The following DDX6 variants were observed in gnomAD, a reference collection of about 807,000 sequenced individuals.
The protein encoded by DDX6 is DEAD-box helicase 6.
In DDX6, 7 loss-of-function variants were observed where a neutral mutation model predicts 60.6. That is an observed-to-expected ratio of 0.12 (90% CI 0.07 to 0.22). The LOEUF (loss-of-function observed/expected upper bound fraction) is 0.22, where lower values mean the gene tolerates loss of function less well. DDX6 is among the 10% of genes least tolerant of loss of function. The pLI is 1.00. For missense variants in DDX6, 270 were observed against 589.9 expected (o/e 0.46, Z 5.62); for synonymous variants, 207 against 201.0 (o/e 1.03, Z -0.25).
At chr11:118,791,395 A>G (rs1224740951), upstream of DDX6, 1 of 152,080 alleles carries the variant, frequency 6.6e-6, no homozygotes, top group African/African-American at 2.4e-5. Context: ...ACCGACGAGA[A>G]AAGTTCGAGG....
chr11:118,785,703 C>T (rs550802670), intron 2 of DDX6: 36 of 167,894 alleles, frequency 2.1e-4, no homozygotes, highest in African/African-American at 7.6e-4. Context: ...AAGGTGCAGT[C>T]GTAAAAAAAC....
intron 1 of DDX6, chr11:118,790,229 TTTC>T (rs1465378700): frequency 6.6e-6 from 1 of 151,782 alleles, no homozygotes; most frequent in African/African-American, 2.4e-5. Flanking sequence ...TGAAAGGAAA[TTTC>T]TTGTCCCCCC....
At chr11:118,783,865 C>T (rs576097802) in intron 2 of DDX6, among the ~76,000 whole-genome samples, 2 of 148,104 alleles carry the variant, frequency 1.4e-5, no homozygotes, top group Non-Finnish European at 3.0e-5. Flanking sequence ...TGTGTAATCC[C>T]AGCACTGTGA....
intron 7 of DDX6, among the ~76,000 whole-genome samples, chr11:118,761,232 T>C (rs1555160104): frequency 6.6e-6 from 1 of 152,246 alleles, no homozygotes; most frequent in Admixed American, 6.5e-5. Context: ...AGAACTACTC[T>C]GTACTTCAGT....
chr11:118,774,527 G>A (rs1285835771), intron 4 of DDX6, among the ~76,000 whole-genome samples: 1 of 140,208 alleles, frequency 7.1e-6, no homozygotes, highest in African/African-American at 2.7e-5. Flanking sequence ...GGAGTGCAGT[G>A]ACACAATCCT....
At chr11:118,759,331 T>A (rs895163830) in intron 8 of DDX6, 3 of 156,618 alleles carry the variant, frequency 1.9e-5, no homozygotes, top group African/African-American at 7.2e-5. Flanking sequence ...GTGCTGGGAT[T>A]ACAGGCATGA....
At chr11:118,776,712 A>G (rs1300209269) in intron 4 of DDX6, among the ~76,000 whole-genome samples, 2 of 152,014 alleles carry the variant, frequency 1.3e-5, no homozygotes, top group Non-Finnish European at 1.5e-5. Context: ...GCACGCCTGT[A>G]GTCCCCGCTA....
At chr11:118,773,754 TG>T (rs1490525308) in intron 4 of DDX6, among the ~76,000 whole-genome samples, 1 of 151,760 alleles carries the variant, frequency 6.6e-6, no homozygotes, top group Non-Finnish European at 1.5e-5. Flanking sequence ...TCTGCAAGGC[TG>T]AGGCAGGAGA....
At chr11:118,754,012 C>G (rs1051205984) in intron 13 of DDX6, among the ~76,000 whole-genome samples, 1 of 152,096 alleles carries the variant, frequency 6.6e-6, no homozygotes, top group Non-Finnish European at 1.5e-5. Context: ...GCACCAGAAT[C>G]GCTTGAACCT....
intron 2 of DDX6, among the ~76,000 whole-genome samples, chr11:118,785,509 T>C (rs895817178): frequency 1.4e-5 from 2 of 138,286 alleles, no homozygotes; most frequent in African/African-American, 5.5e-5. Flanking sequence ...ACCAGCCAAC[T>C]TTTTTTTTTT....
chr11:118,763,397 A>C, intron 6 of DDX6, 91 bp from the exon 7 acceptor site: 4 of 973,818 alleles, frequency 4.1e-6, no homozygotes, highest in Non-Finnish European at 6.4e-6. Flanking sequence ...TGAGCTGCTT[A>C]ATGATAATTC....
chr11:118,785,768 C>G (rs1278931479), intron 2 of DDX6: 4 of 270,772 alleles, frequency 1.5e-5, no homozygotes, highest in African/African-American at 8.8e-5. Flanking sequence ...ACAAACTAAG[C>G]TAATAACTTT....
chr11:118,754,949 A>G lies in DDX6; in HGVS notation c.1277-62T>C, dbSNP rs1860914833. The G allele has an allele frequency of 3.5e-6, 5 of 1,445,692 alleles. No homozygotes were observed. In the South Asian group the frequency reaches 6.8e-5, roughly 20 times the overall value. The allele number at this position is 1,445,692 out of a possible 1,614,324, so 89.6% of individuals were successfully genotyped here. On this transcript the variant is annotated intron_variant, in intron 12 of 13. Coordinates refer to ENST00000534980, the MANE Select transcript of DDX6 (RefSeq NM_004397.6). ...ATATGAAAATCAATGTGAATTGTGC[A>G]AGTCAAGCAGTGGCAAAACCACACA...
chr11:118,758,812 G>A lies in DDX6; in HGVS notation c.955C>T (p.Arg319Cys). The A allele has an allele frequency of 3.1e-6, 5 of 1,613,686 alleles. No homozygotes were observed. The highest frequency in any genetic ancestry group is 1.1e-5 in the South Asian group (1 of 91,038). Reference protein sequence around the residue: ...VTQYYAYVTERQKVHCLNTLF... With the variant: ...VTQYYAYVTECQKVHCLNTLF... ...GTGTTGAGGCAGTGTACTTTTTGGC[G>A]CTCAGTTACATATGCGTAGTACTGG... Residue 319 changes from arginine to cysteine, a missense_variant, in exon 9 of 14, where the codon CGC (arginine) becomes TGC (cysteine). Transcript: ENST00000534980.
At chr11:118,753,128 A>G (rs1280322515) in intron 13 of DDX6, among the ~76,000 whole-genome samples, 4 of 152,078 alleles carry the variant, frequency 2.6e-5, no homozygotes, top group African/African-American at 9.7e-5. Context: ...TCCCAGGTTC[A>G]AGAGATTCTC....
Position 118,781,717 on chromosome 11 carries a change from C to T in DDX6, c.201-533G>A, listed in dbSNP as rs373968345. 1.4e-4 allele frequency among the ~76,000 whole-genome samples: 21 copies of T among 152,210 alleles called. No homozygotes were observed. The East Asian group carries it at 3.7e-3, about 27-fold the overall frequency. On this transcript the variant is annotated intron_variant, in intron 2 of 13. Coordinates refer to ENST00000534980, the MANE Select transcript of DDX6 (RefSeq NM_004397.6). ...CCAAGGTGGGCGGATCACTTGAGGT[C>T]AGGAGTTCGAGACCAGCCTGGCCAA...
intron 2 of DDX6, among the ~76,000 whole-genome samples, chr11:118,785,455 T>C (rs547323356): frequency 1.9e-3 from 282 of 152,028 alleles, no homozygotes; most frequent in Middle Eastern, 6.8e-3. Flanking sequence ...TCCTCCCACA[T>C]TGGCCTCCCC....
chr11:118,768,407 T>C lies in DDX6; in HGVS notation c.370-55A>G, dbSNP rs560205619. The C allele has an allele frequency of 1.1e-5, 17 of 1,587,964 alleles. No individual in the cohort carries two copies. The South Asian group carries it at 1.8e-4, about 17-fold the overall frequency. Reference sequence around the variant, plus strand: ...TTCTGAATGTAGTACACAAGCAAATTCCTCTCTGAAATACACTGAAGGATA... The same window carrying C: ...TTCTGAATGTAGTACACAAGCAAATCCCTCTCTGAAATACACTGAAGGATA... On this transcript the variant is annotated intron_variant, in intron 4 of 13. Transcript: ENST00000534980.
intron 7 of DDX6, among the ~76,000 whole-genome samples, chr11:118,761,807 T>C (rs1861175920): frequency 6.7e-6 from 1 of 148,334 alleles, no homozygotes; most frequent in African/African-American, 2.5e-5. Context: ...CTACATACTA[T>C]AGTAACTACT....
Sources: allele counts gnomAD v4.1 joint callset (sites outside exome capture counted in the v4.1 genomes callset), GRCh38; gene constraint gnomAD v4.1.1; transcripts MANE v1.5; gene names NCBI Gene and HGNC (gene_info 2026-07-23, HGNC 2026-07-21).